SEMA3E: variants seen among roughly 807,000 people sequenced by gnomAD.
SEMA3E encodes the protein semaphorin 3E.
SEMA3E carries 49 observed loss-of-function variants against 93.6 expected under a neutral mutation model. That is an observed-to-expected ratio of 0.52 (90% confidence interval 0.42 to 0.66). The LOEUF (loss-of-function observed/expected upper bound fraction) is 0.66, where lower values mean the gene tolerates loss of function less well. Among genes scored for constraint, SEMA3E ranks in the 30% least tolerant of loss-of-function variants. The pLI is 0.00. For missense variants in SEMA3E, 906 were observed against 964.8 expected (o/e 0.94, Z 0.81); for synonymous variants, 363 against 330.7 (o/e 1.10, Z -1.06).
intron 1 of SEMA3E, among the ~76,000 whole-genome samples, chr7:83,534,163 A>G (rs2115737280): frequency 6.6e-6 from 1 of 152,320 alleles, no homozygotes; most frequent in Non-Finnish European, 1.5e-5. Flanking sequence ...AAATCTGAAA[A>G]CAATGCTTCC....
At chr7:83,519,811 T>C (rs552828553) in intron 1 of SEMA3E, among the ~76,000 whole-genome samples, 1 of 152,262 alleles carries the variant, frequency 6.6e-6, no homozygotes, top group African/African-American at 2.4e-5. Flanking sequence ...CCACATGGGA[T>C]ATGTATCTTT....
intron 1 of SEMA3E, among the ~76,000 whole-genome samples, chr7:83,609,593 C>A (rs946698622): frequency 6.6e-6 from 1 of 151,910 alleles, no homozygotes; most frequent in Non-Finnish European, 1.5e-5. Context: ...CAATACCACT[C>A]TCATTCAAAC....
At chr7:83,641,327 C>G (rs1218738213) in intron 1 of SEMA3E, 1 of 965,708 alleles carries the variant, frequency 1.0e-6, no homozygotes, top group African/African-American at 1.8e-5. Flanking sequence ...CACCAGATAT[C>G]TTACCTGTTC....
intron 1 of SEMA3E, among the ~76,000 whole-genome samples, chr7:83,601,386 C>T (rs564721953): frequency 1.6e-3 from 248 of 151,920 alleles, no homozygotes; most frequent in African/African-American, 5.8e-3. Context: ...TTTTAAATCA[C>T]ATTTTGCCAT....
At chr7:83,382,764 AAAT>A (rs1787802479) in intron 16 of SEMA3E, among the ~76,000 whole-genome samples, 1 of 151,878 alleles carries the variant, frequency 6.6e-6, no homozygotes, top group African/African-American at 2.4e-5. Context: ...CTTATAAATA[AAAT>A]ATATAGAGAT....
intron 2 of SEMA3E, among the ~76,000 whole-genome samples, chr7:83,486,231 T>G (rs1249801393): frequency 2.0e-5 from 3 of 152,096 alleles, no homozygotes. Flanking sequence ...CTAAATTAAG[T>G]GTGGAGACTT....
chr7:83,514,454 T>C (rs751047533), intron 1 of SEMA3E, among the ~76,000 whole-genome samples: 1 of 152,168 alleles, frequency 6.6e-6, no homozygotes, highest in Non-Finnish European at 1.5e-5. Context: ...TCCTGTAATG[T>C]CATGAGTTCA....
At chr7:83,637,452 G>A (rs1046050679) in intron 1 of SEMA3E, among the ~76,000 whole-genome samples, 7 of 152,064 alleles carry the variant, frequency 4.6e-5, no homozygotes, top group Admixed American at 1.3e-4. Flanking sequence ...TTCTCTGAAG[G>A]CAATGATATG....
intron 1 of SEMA3E, among the ~76,000 whole-genome samples, chr7:83,605,279 A>C (rs215327): frequency 0.64 from 97,818 of 151,884 alleles, 32,473 homozygotes; most frequent in African/African-American, 0.82. Flanking sequence ...TTCTCCACAG[A>C]CTTGCCGGTA....
In SEMA3E at chr7:83,387,010, G is replaced by A. The variant is rs752672479; in HGVS notation, c.1708C>T (p.Gln570Ter). 1.2e-6 allele frequency: 2 copies of A among 1,613,322 alleles called. No homozygotes were observed. The highest frequency in any genetic ancestry group is 1.7e-6 in the Non-Finnish European group (2 of 1,179,632). Reference protein sequence around the residue: ...RQDVRHGNAAQQCFGQQFVGD... With the variant: ...RQDVRHGNAA ...ACAAACTGTTGTCCAAAGCACTGCT[G>A]AGCTGCATTTCCATGTCGAACATCT... Residue 570 changes from glutamine (Q) to a stop codon, truncating the protein, a stop_gained, in exon 15 of 17, where the codon CAG becomes TAG. Transcript: ENST00000643230. LOFTEE classifies it high-confidence loss of function.
chr7:83,449,924 C>T (rs1789320581), intron 4 of SEMA3E, among the ~76,000 whole-genome samples: 1 of 152,076 alleles, frequency 6.6e-6, no homozygotes, highest in Non-Finnish European at 1.5e-5. Context: ...TACTTGCTCC[C>T]TCATAAAATC....
At chr7:83,645,093 T>C (rs766167478) in intron 1 of SEMA3E, among the ~76,000 whole-genome samples, 3 of 151,984 alleles carry the variant, frequency 2.0e-5, no homozygotes, top group Non-Finnish European at 2.9e-5. Context: ...TGAGCTCCAT[T>C]ATCAAGAAGC....
intron 1 of SEMA3E, among the ~76,000 whole-genome samples, chr7:83,614,175 G>C (rs1358463238): frequency 6.6e-6 from 1 of 152,098 alleles, no homozygotes; most frequent in Non-Finnish European, 1.5e-5. Context: ...TAATACCTAA[G>C]ATGGGAGAAG....
chr7:83,592,201 T>C (rs1792769729), intron 1 of SEMA3E, among the ~76,000 whole-genome samples: 1 of 152,256 alleles, frequency 6.6e-6, no homozygotes, highest in Admixed American at 6.6e-5. Flanking sequence ...TATAAAATAA[T>C]GAAATTCGGA....
At chr7:83,418,748 T>C (rs1168625469) in intron 4 of SEMA3E, among the ~76,000 whole-genome samples, 2 of 152,204 alleles carry the variant, frequency 1.3e-5, no homozygotes, top group Non-Finnish European at 2.9e-5. Context: ...TATGAGACTG[T>C]ATTATTTATT....
chr7:83,460,802 C>A (rs142303089), intron 4 of SEMA3E, among the ~76,000 whole-genome samples: 2 of 151,338 alleles, frequency 1.3e-5, no homozygotes, highest in African/African-American at 4.9e-5. Flanking sequence ...TTCCGCACCC[C>A]GACCTCTTAT....
chr7:83,411,206 A>G (rs1357263347), intron 5 of SEMA3E, among the ~76,000 whole-genome samples: 1 of 152,102 alleles, frequency 6.6e-6, no homozygotes, highest in East Asian at 1.9e-4. Context: ...ATGCTAGATA[A>G]TACCATATTC....
chr7:83,636,662 A>C (rs912993535), intron 1 of SEMA3E, among the ~76,000 whole-genome samples: 1 of 152,146 alleles, frequency 6.6e-6, no homozygotes, highest in African/African-American at 2.4e-5. Context: ...GGGGGAAATT[A>C]AATTTAGCAA....
At chr7:83,461,482 C>A (rs1293341895) in intron 4 of SEMA3E, among the ~76,000 whole-genome samples, 1 of 152,146 alleles carries the variant, frequency 6.6e-6, no homozygotes, top group East Asian at 1.9e-4. Flanking sequence ...CCCCATCCTG[C>A]CCAACAATTT....
Sources: allele counts gnomAD v4.1 joint callset (sites outside exome capture counted in the v4.1 genomes callset), GRCh38; gene constraint gnomAD v4.1.1; transcripts MANE v1.5; gene names NCBI Gene and HGNC (gene_info 2026-07-23, HGNC 2026-07-21).